Variants in BICD1 observed in about 807,000 individuals in gnomAD.
BICD1 encodes the protein BICD cargo adaptor 1.
Under a neutral mutation model 92.5 loss-of-function variants are expected in BICD1, and 35 were observed. The observed-to-expected ratio is 0.38, with a 90% CI of 0.29 to 0.50. The LOEUF is 0.50. Ranked by LOEUF, BICD1 falls within the 20% of genes least tolerant of loss-of-function variation. BICD1 has a pLI of 0.93. For synonymous variants in BICD1, 429 were observed against 465.1 expected, an observed-to-expected ratio of 0.92 and a Z score of 1.00; for missense variants, 950 against 1,189.8, an observed-to-expected ratio of 0.80 and a Z score of 2.97.
At position 32,337,483 on chromosome 12, in the gene BICD1, T is replaced by A. The variant is rs1281672943; in HGVS notation, c.2253-16T>A. On this transcript the variant is annotated splice_polypyrimidine_tract_variant and intron_variant, in intron 6 of 9. Coordinates refer to ENST00000652176, the MANE Select transcript of BICD1 (RefSeq NM_001714.4). This position sits in a 1 kb window ranked among gnomAD's most constrained non-coding sequence, Gnocchi z 4.7. ...ACCAAGATTTTCCTCTGACCACTTCTCTGTTTTGGTTCCAGATGTGATGAA... is the reference window on the plus strand; with the variant it reads ...ACCAAGATTTTCCTCTGACCACTTCACTGTTTTGGTTCCAGATGTGATGAA... 6.3e-7 allele frequency: 1 copy of A among 1,593,768 alleles called. No homozygotes were observed. The highest frequency in any genetic ancestry group is 1.3e-5 in the African/African-American group (1 of 74,634).
At chr12:32,306,391 C>A (rs61929080) in intron 4 of BICD1, among the ~76,000 whole-genome samples, 126 of 151,822 alleles carry the variant, frequency 8.3e-4, no homozygotes, top group Non-Finnish European at 1.4e-3. Flanking sequence ...CTACAGGTGC[C>A]CGCCACCATG....
intron 5 of BICD1, among the ~76,000 whole-genome samples, chr12:32,330,224 A>G (rs536885298): frequency 7.2e-5 from 11 of 152,240 alleles, no homozygotes; most frequent in African/African-American, 2.4e-4. Flanking sequence ...TTTTATATAA[A>G]CCTAAGGGCA....
At chr12:32,295,912 C>G (rs924182669) in intron 3 of BICD1, among the ~76,000 whole-genome samples, 3 of 152,134 alleles carry the variant, frequency 2.0e-5, no homozygotes, top group African/African-American at 7.2e-5. Context: ...CTCAGCCTCC[C>G]AAAGTGCTGG....
chr12:32,113,911 G>A (rs1361549934), intron 1 of BICD1, among the ~76,000 whole-genome samples: 5 of 149,928 alleles, frequency 3.3e-5, no homozygotes, highest in Admixed American at 6.7e-5. Context: ...TCGCTCTGTC[G>A]CCTAGGCTGG....
intron 2 of BICD1, among the ~76,000 whole-genome samples, chr12:32,238,632 A>G (rs925718465): frequency 4.9e-4 from 74 of 152,354 alleles, no homozygotes; most frequent in African/African-American, 1.8e-3. Context: ...TTGGTGCAGC[A>G]AAATTAATTT....
intron 3 of BICD1, among the ~76,000 whole-genome samples, chr12:32,296,565 G>T (rs1211797971): frequency 6.6e-6 from 1 of 152,014 alleles, no homozygotes; most frequent in Non-Finnish European, 1.5e-5. Flanking sequence ...CCTAAGAAGG[G>T]TATTTTCTTG....
At position 32,107,493 on chromosome 12, in the gene BICD1, A is replaced by G. The variant is rs201678034; in HGVS notation, c.162A>G (p.Glu54=). 1.9e-6 allele frequency: 3 copies of G among 1,608,246 alleles called. No individual in the cohort carries two copies. Among genetic ancestry groups the G allele is most frequent in the Non-Finnish European group, 2.5e-6 (3 of 1,177,672 alleles). ...EKLTLKQQYD[E]LEAEYDSLKQ... ...TGACCCTCAAACAGCAGTATGATGAACTGGAGGCTGAGTACGACAGCCTCA... is the reference window on the plus strand; with the variant it reads ...TGACCCTCAAACAGCAGTATGATGAGCTGGAGGCTGAGTACGACAGCCTCA... Residue 54 remains glutamate, a synonymous_variant, in exon 1 of 10, where the codon GAA becomes GAG. Coordinates refer to ENST00000652176, the MANE Select transcript of BICD1 (RefSeq NM_001714.4).
At chr12:32,353,406 C>T (rs1451873838) in intron 8 of BICD1, 6 of 151,384 alleles carry the variant, frequency 4.0e-5, no homozygotes, top group Non-Finnish European at 7.4e-5. Context: ...ATTGTTTCTC[C>T]CACCAGAAAT....
At chr12:32,300,424 A>C (rs537716273) in intron 3 of BICD1, among the ~76,000 whole-genome samples, 1 of 151,144 alleles carries the variant, frequency 6.6e-6, no homozygotes, top group African/African-American at 2.4e-5. Context: ...TTATTGGACA[A>C]CCTCTGGTCT....
At chr12:32,114,403 A>G (rs1941814368) in intron 1 of BICD1, among the ~76,000 whole-genome samples, 1 of 151,420 alleles carries the variant, frequency 6.6e-6, no homozygotes, top group South Asian at 2.1e-4. Context: ...TTTTTTTGAG[A>G]TGGGGTCTCA....
At chr12:32,203,790 CTT>C (rs1944973759) in intron 1 of BICD1, among the ~76,000 whole-genome samples, 1 of 152,134 alleles carries the variant, frequency 6.6e-6, no homozygotes, top group South Asian at 2.1e-4. Flanking sequence ...TTTGGCCTCT[CTT>C]CTTTGGCCTC....
chr12:32,348,726 ATATATATATATATATATATATATAT>A (rs1938737903), intron 8 of BICD1, among the ~76,000 whole-genome samples: 17 of 3,776 alleles, frequency 4.5e-3, no homozygotes, highest in African/African-American at 0.032. Context: ...ACACAAAAAT[ATATATATATATATATATATATATAT>A]ATATATATAT....
At chr12:32,137,803 CT>C (rs200095182) in intron 1 of BICD1, among the ~76,000 whole-genome samples, 58 of 147,088 alleles carry the variant, frequency 3.9e-4, no homozygotes, top group Admixed American at 6.8e-4. Flanking sequence ...AATATAAAAA[CT>C]TTTTTTTTTT....
At chr12:32,118,026 AGG>A (rs1217237504) in intron 1 of BICD1, among the ~76,000 whole-genome samples, 2 of 144,722 alleles carry the variant, frequency 1.4e-5, no homozygotes, top group African/African-American at 5.1e-5. Flanking sequence ...CTGGGATTAC[AGG>A]CGTGAGCCAT....
intron 2 of BICD1, among the ~76,000 whole-genome samples, chr12:32,258,678 C>T (rs143755802): frequency 0.011 from 1,608 of 152,262 alleles, 16 homozygotes; most frequent in African/African-American, 0.027. Flanking sequence ...GATCATAGGA[C>T]AGGGGGCCCT....
intron 9 of BICD1, among the ~76,000 whole-genome samples, chr12:32,374,872 C>G (rs1431582259): frequency 6.8e-6 from 1 of 146,214 alleles, no homozygotes; most frequent in Non-Finnish European, 1.5e-5. Context: ...CAGGCGTGAG[C>G]CACTATGCTT....
rs369934739 is a variant in BICD1 at position 32,308,255 on chromosome 12, G to A, written c.1005+2133G>A. On this transcript the variant is annotated intron_variant, in intron 4 of 9. Coordinates refer to ENST00000652176, the MANE Select transcript of BICD1 (RefSeq NM_001714.4). ...AGAGAATGTTTTCTTCCTTGAGAAG[G>A]TTTAGCGTCTCTGATCCCAACTCAT... Among the ~76,000 whole-genome samples the A allele has an allele frequency of 2.0e-5, 3 of 152,302 alleles. No individual in the cohort carries two copies. In the East Asian group the frequency reaches 5.8e-4, roughly 29 times the overall value.
At chr12:32,248,860 T>G (rs1328678790) in intron 2 of BICD1, among the ~76,000 whole-genome samples, 1 of 152,206 alleles carries the variant, frequency 6.6e-6, no homozygotes, top group Non-Finnish European at 1.5e-5. Flanking sequence ...AATACTGTGC[T>G]TAAGGCACAA....
chr12:32,264,317 C>T (rs950068769), intron 2 of BICD1, among the ~76,000 whole-genome samples: 18 of 150,620 alleles, frequency 1.2e-4, no homozygotes, highest in Non-Finnish European at 2.5e-4. Context: ...TTTTTAAAAT[C>T]CCGGCATCTA....
Sources: gnomAD v4.1 joint callset for allele counts (sites outside exome capture counted in the v4.1 genomes callset) on GRCh38, gnomAD v4.1.1 for gene constraint, Gnocchi (gnomAD v3.1) non-coding constraint, MANE v1.5 for transcripts, NCBI Gene and HGNC (gene_info 2026-07-23, HGNC 2026-07-21) for gene names.